Variants in WWP2 observed in about 807,000 individuals in gnomAD.
WWP2 encodes the protein WW domain containing E3 ubiquitin protein ligase 2.
WWP2 carries 57 observed loss-of-function variants against 121.0 expected under a neutral mutation model. The observed-to-expected ratio is 0.47, with a 90% CI of 0.38 to 0.59. The LOEUF (loss-of-function observed/expected upper bound fraction) is 0.59, where lower values mean the gene tolerates loss of function less well. WWP2 is among the 20% of genes least tolerant of loss of function. The pLI is 0.00. For missense variants in WWP2, 962 were observed against 1,158.9 expected (o/e 0.83, Z 2.47); for synonymous variants, 449 against 441.3 (o/e 1.02, Z -0.22).
At chr16:69,826,367 A>ACCAGCTTGGCCAACATAGTGAAACTCTGT (rs2151851888) in intron 4 of WWP2, among the ~76,000 whole-genome samples, 1 of 151,322 alleles carries the variant, frequency 6.6e-6, no homozygotes, top group Admixed American at 6.6e-5. Flanking sequence ...GGAGTACGAG[A>ACCAGCTTGGCCAACATAGTGAAACTCTGT]CCAGCTTGGC....
intron 6 of WWP2, among the ~76,000 whole-genome samples, chr16:69,863,646 CAAACAAAG>C (rs1356529462): frequency 2.0e-5 from 3 of 151,948 alleles, no homozygotes; most frequent in African/African-American, 7.2e-5. Context: ...GTCTCAAAAA[CAAACAAAG>C]AAACAAACAA....
At chr16:69,921,919 C>G (rs754755972) in intron 10 of WWP2, among the ~76,000 whole-genome samples, 26 of 151,826 alleles carry the variant, frequency 1.7e-4, no homozygotes, top group Non-Finnish European at 2.6e-4. Context: ...ACTAAAAATA[C>G]AAAAATTAGC....
chr16:69,823,071 C>T (rs1293165445), intron 4 of WWP2, among the ~76,000 whole-genome samples: 2 of 152,146 alleles, frequency 1.3e-5, no homozygotes, highest in Non-Finnish European at 2.9e-5. Flanking sequence ...GCAGAGATTG[C>T]AGTGAGCCAA....
At chr16:69,919,939 A>G (rs1384110334) in intron 10 of WWP2, among the ~76,000 whole-genome samples, 2 of 151,904 alleles carry the variant, frequency 1.3e-5, no homozygotes, top group Non-Finnish European at 2.9e-5. Flanking sequence ...GACTACAGGC[A>G]TGCACAGTCA....
chr16:69,784,648 G>C (rs1454456079), intron 1 of WWP2, among the ~76,000 whole-genome samples: 1 of 152,146 alleles, frequency 6.6e-6, no homozygotes, highest in Non-Finnish European at 1.5e-5. Context: ...CTGAGCACGT[G>C]TTTTTAATAT....
chr16:69,924,076 T>G (rs1167608200), intron 10 of WWP2, among the ~76,000 whole-genome samples: 1 of 152,266 alleles, frequency 6.6e-6, no homozygotes, highest in Non-Finnish European at 1.5e-5. Flanking sequence ...GCATTCTGTG[T>G]GGGCAGGAGG....
intron 8 of WWP2, among the ~76,000 whole-genome samples, chr16:69,888,761 A>G (rs558744289): frequency 1.3e-5 from 2 of 151,414 alleles, no homozygotes; most frequent in African/African-American, 2.4e-5. Flanking sequence ...CTGGAGTGCA[A>G]TGGCACGATC....
At chr16:69,877,621 C>T (rs1243705844) in intron 7 of WWP2, among the ~76,000 whole-genome samples, 1 of 151,896 alleles carries the variant, frequency 6.6e-6, no homozygotes, top group Non-Finnish European at 1.5e-5. Context: ...TGGCTTTCAA[C>T]CCACCTTCCT....
intron 7 of WWP2, among the ~76,000 whole-genome samples, chr16:69,874,232 A>C (rs1333754856): frequency 1.3e-5 from 2 of 152,164 alleles, no homozygotes; most frequent in Non-Finnish European, 2.9e-5. Context: ...CGTCTGCCCC[A>C]AGGGTACAGA....
intron 4 of WWP2, among the ~76,000 whole-genome samples, chr16:69,806,760 T>C (rs1227559836): frequency 6.6e-6 from 1 of 152,172 alleles, no homozygotes. Flanking sequence ...ATTTTTGCTA[T>C]TTGTGTGTTT....
intron 18 of WWP2, 53 bp downstream of exon 18, chr16:69,936,039 G>A (rs1356033840): frequency 1.3e-6 from 2 of 1,597,202 alleles, no homozygotes; most frequent in African/African-American, 2.7e-5. Context: ...ACGTCTCTGG[G>A]TGGGAAGCAG....
At chr16:69,844,558 T>C (rs557990925) in intron 6 of WWP2, among the ~76,000 whole-genome samples, 1 of 152,212 alleles carries the variant, frequency 6.6e-6, no homozygotes, top group South Asian at 2.1e-4. Context: ...TCTGAATTCC[T>C]CTAGTTGATC....
At chr16:69,848,903 A>G (rs1393802951) in intron 6 of WWP2, among the ~76,000 whole-genome samples, 1 of 152,148 alleles carries the variant, frequency 6.6e-6, no homozygotes, top group Non-Finnish European at 1.5e-5. Flanking sequence ...TTTACATGGA[A>G]AAGTTTCAGA....
chr16:69,856,585 G>C (rs2057316728), intron 6 of WWP2, among the ~76,000 whole-genome samples: 1 of 152,048 alleles, frequency 6.6e-6, no homozygotes, highest in African/African-American at 2.4e-5. Context: ...GACCATCCTG[G>C]CCAACATGGT....
At chr16:69,796,428 A>T (rs1326303314) in intron 2 of WWP2, among the ~76,000 whole-genome samples, 2 of 152,212 alleles carry the variant, frequency 1.3e-5, no homozygotes, top group Non-Finnish European at 2.9e-5. Flanking sequence ...GCTAGGCAAG[A>T]TCATCTGGTG....
chr16:69,938,844 A>G (rs1223673006), intron 21 of WWP2, among the ~76,000 whole-genome samples, 183 bp from the exon 22 acceptor site: 1 of 152,234 alleles, frequency 6.6e-6, no homozygotes, highest in Non-Finnish European at 1.5e-5. Flanking sequence ...TCTCATGCAC[A>G]CACAGCCTCT....
At chr16:69,868,961 C>A (rs1046612255) in intron 6 of WWP2, among the ~76,000 whole-genome samples, 1 of 152,330 alleles carries the variant, frequency 6.6e-6, no homozygotes, top group African/African-American at 2.4e-5. Context: ...AATCTCGGCT[C>A]ACTGCGACCT....
intron 8 of WWP2, among the ~76,000 whole-genome samples, chr16:69,907,796 T>G (rs1280127401): frequency 1.3e-5 from 2 of 152,238 alleles, no homozygotes; most frequent in Non-Finnish European, 2.9e-5. Flanking sequence ...AGATTTGACT[T>G]CATAGGTAGA....
chr16:69,889,146 T>TACACACACACAC (rs143311481), intron 8 of WWP2, among the ~76,000 whole-genome samples: 50 of 146,240 alleles, frequency 3.4e-4, no homozygotes, highest in African/African-American at 1.2e-3. Flanking sequence ...ATATCCTGCC[T>TACACACACACAC]ACACACACAC....
Sources: allele counts gnomAD v4.1 joint callset (sites outside exome capture counted in the v4.1 genomes callset), GRCh38; gene constraint gnomAD v4.1.1; transcripts MANE v1.5; gene names NCBI Gene and HGNC (gene_info 2026-07-23, HGNC 2026-07-21).